The following MAL2 variants were observed in gnomAD, a reference collection of about 807,000 sequenced individuals.
MAL2 encodes the protein mal, T cell differentiation protein 2.
Under a neutral mutation model 18.1 loss-of-function variants are expected in MAL2, and 17 were observed. That is an observed-to-expected ratio of 0.94 (90% CI 0.64 to 1.41). MAL2 has a LOEUF of 1.41. Among genes scored for constraint, MAL2 ranks in the 40% most tolerant of loss-of-function variants. The pLI, the probability that MAL2 is intolerant of heterozygous loss-of-function variation, is 0.00. For missense variants in MAL2, 222 were observed against 231.9 expected, an observed-to-expected ratio of 0.96 and a Z score of 0.28; for synonymous variants, 102 against 102.3, an observed-to-expected ratio of 1.00 and a Z score of 0.02.
At chr8:119,209,719 T>G (rs1221701053) in intron 1 of MAL2, among the ~76,000 whole-genome samples, 1 of 152,230 alleles carries the variant, frequency 6.6e-6, no homozygotes, top group Non-Finnish European at 1.5e-5. Flanking sequence ...TGTTCTATTA[T>G]GCTCAGGTAG....
intron 2 of MAL2, among the ~76,000 whole-genome samples, chr8:119,233,675 C>A (rs1341934274): frequency 2.0e-5 from 3 of 152,036 alleles, no homozygotes; most frequent in Non-Finnish European, 4.4e-5. Flanking sequence ...GAAATTGTGG[C>A]AATAATCAAT....
Position 119,208,375 on chromosome 8 carries a change from C to G in MAL2, c.-98C>G, listed in dbSNP as rs1817214751. The G allele has an allele frequency of 3.1e-6, 2 of 650,904 alleles. No individual in the cohort carries two copies. Among genetic ancestry groups the G allele is most frequent in the Non-Finnish European group, 3.8e-6 (2 of 524,170 alleles). 40.3% of individuals were successfully genotyped at this position (650,904 alleles called of 1,614,324 possible). A position where few individuals can be genotyped will look rare whatever the true frequency, so the allele number is the denominator to read the frequency against. Reference sequence around the variant, plus strand: ...CCTCCCGCGCGGCGCGCCCGGAGCCCGCGGAGCTGAGCGGCGGCGGCGGCG... The same window carrying G: ...CCTCCCGCGCGGCGCGCCCGGAGCCGGCGGAGCTGAGCGGCGGCGGCGGCG... On this transcript the variant is annotated 5_prime_UTR_variant, in exon 1 of 4. Transcript: ENST00000614891. This position sits in a 1 kb window ranked among gnomAD's most constrained non-coding sequence, Gnocchi z 4.3.
At chr8:119,229,441 T>G (rs1392497407) in intron 2 of MAL2, among the ~76,000 whole-genome samples, 2 of 151,794 alleles carry the variant, frequency 1.3e-5, no homozygotes, top group African/African-American at 4.8e-5. Flanking sequence ...GCCTTCCGAG[T>G]AACTGGGATT....
At chr8:119,216,440 G>A (rs940059840) in intron 1 of MAL2, among the ~76,000 whole-genome samples, 1 of 152,052 alleles carries the variant, frequency 6.6e-6, no homozygotes, top group African/African-American at 2.4e-5. Context: ...CTATAAAGTA[G>A]GAATAATAAT....
chr8:119,218,584 G>A (rs1163372190), intron 1 of MAL2, among the ~76,000 whole-genome samples: 1 of 152,050 alleles, frequency 6.6e-6, no homozygotes, highest in East Asian at 1.9e-4. Context: ...GTTTAATAGT[G>A]TCTATTTCTT....
intron 1 of MAL2, among the ~76,000 whole-genome samples, chr8:119,210,769 A>G (rs1817256093): frequency 6.6e-6 from 1 of 152,230 alleles, no homozygotes; most frequent in Admixed American, 6.5e-5. Context: ...ACTCTTGGCT[A>G]CGTAGAACAG....
At chr8:119,229,924 CTCTTGCAGTTACCTCTTGTTAACTGG>C in intron 2 of MAL2, among the ~76,000 whole-genome samples, 1 of 152,320 alleles carries the variant, frequency 6.6e-6, no homozygotes, top group Middle Eastern at 3.4e-3. Flanking sequence ...AGGCTACCTG[CTCTTGCAGTTACCTCTTGTTAACTGG>C]TCTTGCTCAG....
Position 119,243,639 on chromosome 8 carries a change from T to C in MAL2, c.*151T>C. On this transcript the variant is annotated 3_prime_UTR_variant, in exon 4 of 4. Transcript: ENST00000614891. ...CTCTAAGCTCAAGTTCTGGTTTATT[T>C]CATGGATGGAATGTTAATTTTATTA... 2.0e-6 allele frequency: 1 copy of C among 488,362 alleles called. No homozygotes were observed. Among genetic ancestry groups the C allele is most frequent in the Non-Finnish European group, 3.4e-6 (1 of 291,028 alleles). 30.3% of individuals were successfully genotyped at this position (488,362 alleles called of 1,614,324 possible). A position where few individuals can be genotyped will look rare whatever the true frequency, so the allele number is the denominator to read the frequency against.
At chr8:119,234,486 A>G (rs1443295830) in intron 2 of MAL2, among the ~76,000 whole-genome samples, 1 of 152,190 alleles carries the variant, frequency 6.6e-6, no homozygotes, top group African/African-American at 2.4e-5. Context: ...CTGCCTCTGT[A>G]GGCTCCACCT....
At chr8:119,222,992 A>G (rs1817500935) in intron 2 of MAL2, among the ~76,000 whole-genome samples, 1 of 152,218 alleles carries the variant, frequency 6.6e-6, no homozygotes, top group Non-Finnish European at 1.5e-5. Context: ...ACAGTGCTTC[A>G]GGGAAGTTCA....
intron 1 of MAL2, among the ~76,000 whole-genome samples, chr8:119,211,331 C>T (rs1438235535): frequency 1.3e-5 from 2 of 152,180 alleles, no homozygotes; most frequent in African/African-American, 4.8e-5. Flanking sequence ...CCTCAAACTC[C>T]ATTTTAATTT....
chr8:119,235,688 A>C (rs930917174), intron 2 of MAL2, among the ~76,000 whole-genome samples: 1 of 151,488 alleles, frequency 6.6e-6, no homozygotes, highest in Admixed American at 6.6e-5. Context: ...ATATCCAGCC[A>C]AACTAAGCTT....
intron 1 of MAL2, among the ~76,000 whole-genome samples, chr8:119,213,785 T>C (rs907641579): frequency 6.6e-6 from 1 of 152,112 alleles, no homozygotes; most frequent in Admixed American, 6.5e-5. Flanking sequence ...ACCATCACCC[T>C]CCAGCCTGGG....
intron 1 of MAL2, among the ~76,000 whole-genome samples, chr8:119,213,694 C>T (rs1019257295): frequency 1.3e-5 from 2 of 152,150 alleles, no homozygotes; most frequent in Non-Finnish European, 2.9e-5. Context: ...TGGCACATGA[C>T]TGTAATCCCA....
chr8:119,240,026 A>C (rs1563778985), intron 2 of MAL2, 139 bp from the exon 3 acceptor site: 1 of 912,790 alleles, frequency 1.1e-6, no homozygotes, highest in Non-Finnish European at 1.6e-6. Flanking sequence ...TTTCTAAAGC[A>C]GCTAAGCTTA....
chr8:119,216,245 C>G (rs1817352001), intron 1 of MAL2, among the ~76,000 whole-genome samples: 1 of 152,072 alleles, frequency 6.6e-6, no homozygotes. Context: ...TTTAGGAAAT[C>G]ATATGGAATA....
chr8:119,224,287 TG>T (rs1420710498), intron 2 of MAL2: 2 of 152,324 alleles, frequency 1.3e-5, no homozygotes, highest in East Asian at 3.9e-4. Flanking sequence ...ATTTTGGTTT[TG>T]AAACAGCTTT....
chr8:119,208,501 C>T lies in MAL2; in HGVS notation c.29C>T (p.Pro10Leu), dbSNP rs1817219067. Residue 10 changes from proline (P) to leucine (L), a missense_variant, in exon 1 of 4, where the codon CCG becomes CTG. Physicochemically the swap from Pro to Leu is moderately conservative, Grantham distance 98. Coordinates refer to ENST00000614891, the MANE Select transcript of MAL2 (RefSeq NM_052886.3). The surrounding 1 kb of genome is among the most constrained non-coding windows in gnomAD (Gnocchi z 4.3). ...TCGGCCGGCGGAGCGTCAGTCCCGCCGCCCCCGAACCCCGCCGTGTCCTTC... is the reference window on the plus strand; with the variant it reads ...TCGGCCGGCGGAGCGTCAGTCCCGCTGCCCCCGAACCCCGCCGTGTCCTTC... MSAGGASVP[P>L]PPNPAVSFPP... 2.3e-6 allele frequency: 3 copies of T among 1,310,094 alleles called. No homozygotes were observed. The highest frequency in any genetic ancestry group is 4.6e-5 in the South Asian group (2 of 43,732). 81.2% of individuals were successfully genotyped at this position (1,310,094 alleles called of 1,614,324 possible).
At chr8:119,214,658 A>G (rs1817319118) in intron 1 of MAL2, among the ~76,000 whole-genome samples, 1 of 152,228 alleles carries the variant, frequency 6.6e-6, no homozygotes, top group South Asian at 2.1e-4. Flanking sequence ...TTTCCATTTT[A>G]GGGTCGGTGT....
Sources: allele counts gnomAD v4.1 joint callset (sites outside exome capture counted in the v4.1 genomes callset), GRCh38; gene constraint gnomAD v4.1.1; non-coding constraint Gnocchi (gnomAD v3.1); transcripts MANE v1.5; gene names NCBI Gene and HGNC (gene_info 2026-07-23, HGNC 2026-07-21).